SKAP2: variants seen among roughly 807,000 people sequenced by gnomAD.
SKAP2 encodes src kinase-associated phosphoprotein 2.
A neutral mutation model predicts 54.9 loss-of-function variants in SKAP2; 28 were observed. The observed-to-expected ratio is 0.51, with a 90% CI of 0.38 to 0.70. The LOEUF (loss-of-function observed/expected upper bound fraction) is 0.70, where lower values mean the gene tolerates loss of function less well. SKAP2 is among the 30% of genes least tolerant of loss of function. The probability of loss-of-function intolerance (pLI) is 0.00; values close to 1 mark genes in which losing one functional copy is unlikely to be tolerated. For missense variants in SKAP2, 356 were observed against 424.1 expected, an observed-to-expected ratio of 0.84 and a Z score of 1.41; for synonymous variants, 137 against 134.3, an observed-to-expected ratio of 1.02 and a Z score of -0.14.
chr7:26,813,696 A>G (rs1442989033), intron 4 of SKAP2, among the ~76,000 whole-genome samples: 2 of 152,234 alleles, frequency 1.3e-5, no homozygotes, highest in Non-Finnish European at 2.9e-5. Flanking sequence ...CTTCCTGATG[A>G]GCACCATCAC....
downstream of SKAP2, among the ~76,000 whole-genome samples, chr7:26,663,605 G>T (rs890780700): frequency 6.6e-6 from 1 of 152,172 alleles, no homozygotes; most frequent in African/African-American, 2.4e-5. Context: ...GAAGTTTACT[G>T]ATGGTACAGT....
chr7:26,843,271 G>A (rs1784855854), intron 4 of SKAP2, among the ~76,000 whole-genome samples: 1 of 151,964 alleles, frequency 6.6e-6, no homozygotes, highest in African/African-American at 2.4e-5. Context: ...GAAACTTTGA[G>A]TGCTACAAAT....
intron 4 of SKAP2, among the ~76,000 whole-genome samples, chr7:26,809,495 A>C (rs1784094428): frequency 6.6e-6 from 1 of 152,016 alleles, no homozygotes; most frequent in African/African-American, 2.4e-5. Context: ...ACAGGTATAC[A>C]AAAAAAATGT....
At chr7:26,832,587 GAGGATCACTTGAGCCT>G (rs1177640998) in intron 4 of SKAP2, among the ~76,000 whole-genome samples, 3 of 152,160 alleles carry the variant, frequency 2.0e-5, no homozygotes, top group African/African-American at 7.2e-5. Context: ...GCTGAGGCAG[GAGGATCACTTGAGCCT>G]AGGAGTTCAA....
Position 26,668,662 on chromosome 7 carries a change from GT to G in SKAP2, c.*1003del, listed in dbSNP as rs369317261. ...TACTTTGAGAATACACTGAGATTCT[GT>G]TTTTTTTTTTTTTTTTTTCTGAGAT... On this transcript the variant is annotated 3_prime_UTR_variant, in exon 13 of 13. Transcript: ENST00000345317. The G allele has an allele frequency of 0.051, 6,259 of 122,890 alleles. 378 individuals carry two copies. Among genetic ancestry groups the G allele is most frequent in the African/African-American group, 0.18 (5,790 of 32,956 alleles). 7.6% of individuals were successfully genotyped at this position (122,890 alleles called of 1,614,324 possible).
At chr7:26,829,872 C>T (rs556311938) in intron 4 of SKAP2, among the ~76,000 whole-genome samples, 1 of 152,150 alleles carries the variant, frequency 6.6e-6, no homozygotes, top group African/African-American at 2.4e-5. Flanking sequence ...CAAAATATAC[C>T]ATATGATACA....
intron 9 of SKAP2, among the ~76,000 whole-genome samples, chr7:26,693,102 C>A (rs571115513): frequency 6.6e-6 from 1 of 152,036 alleles, no homozygotes. Flanking sequence ...GAGGCCCAGG[C>A]GGGTGGATCA....
downstream of SKAP2, among the ~76,000 whole-genome samples, chr7:26,663,865 C>T (rs1017636272): frequency 3.9e-5 from 6 of 152,126 alleles, no homozygotes; most frequent in African/African-American, 1.4e-4. Flanking sequence ...TGGACTGGAA[C>T]GTCAAGTGTT....
chr7:26,812,071 T>G (rs1021683882), intron 4 of SKAP2, among the ~76,000 whole-genome samples: 2 of 152,192 alleles, frequency 1.3e-5, no homozygotes, highest in African/African-American at 4.8e-5. Context: ...TGATTTGTTT[T>G]TAAGGGAACT....
At chr7:26,673,703 CG>C in intron 11 of SKAP2, among the ~76,000 whole-genome samples, 1 of 152,020 alleles carries the variant, frequency 6.6e-6, no homozygotes, top group East Asian at 1.9e-4. Flanking sequence ...AATAGTAAGG[CG>C]GTAGTGAATG....
chr7:26,724,802 A>G (rs11978456), intron 9 of SKAP2, among the ~76,000 whole-genome samples: 22,760 of 152,114 alleles, frequency 0.15, 2,819 homozygotes, highest in African/African-American at 0.34. Context: ...TAGCTAATAG[A>G]TAATTAATTT....
chr7:26,721,744 AT>A (rs990348456), intron 9 of SKAP2, among the ~76,000 whole-genome samples: 2 of 152,146 alleles, frequency 1.3e-5, no homozygotes, highest in African/African-American at 4.8e-5. Context: ...ATCTAGAAAA[AT>A]CTTTTTGTTG....
intron 4 of SKAP2, among the ~76,000 whole-genome samples, chr7:26,816,709 G>C (rs1784273761): frequency 6.6e-6 from 1 of 151,946 alleles, no homozygotes. Flanking sequence ...AGATCAATTA[G>C]ATTTCTCTAG....
At chr7:26,770,808 A>G in intron 4 of SKAP2, among the ~76,000 whole-genome samples, 1 of 152,150 alleles carries the variant, frequency 6.6e-6, no homozygotes. Context: ...AGTCCCAATG[A>G]GATAAGCTGG....
chr7:26,833,389 C>G (rs1784637793), intron 4 of SKAP2, among the ~76,000 whole-genome samples: 1 of 116,262 alleles, frequency 8.6e-6, no homozygotes, highest in Non-Finnish European at 1.9e-5. Flanking sequence ...AAGAGCAAGA[C>G]TCCGTCTCAA....
At chr7:26,826,242 G>C (rs1409172817) in intron 4 of SKAP2, among the ~76,000 whole-genome samples, 2 of 152,182 alleles carry the variant, frequency 1.3e-5, no homozygotes, top group Non-Finnish European at 2.9e-5. Flanking sequence ...TAACCTGGTA[G>C]AAATATCTAA....
intron 4 of SKAP2, among the ~76,000 whole-genome samples, chr7:26,757,962 C>CGT (rs1459010730): frequency 6.6e-6 from 1 of 152,154 alleles, no homozygotes; most frequent in Non-Finnish European, 1.5e-5. Flanking sequence ...AGGGTTTCAC[C>CGT]GTGTTAGCCA....
chr7:26,772,855 T>C (rs1765155256), intron 4 of SKAP2, among the ~76,000 whole-genome samples: 1 of 152,242 alleles, frequency 6.6e-6, no homozygotes, highest in South Asian at 2.1e-4. Flanking sequence ...ATTCTGCTGT[T>C]CATAGAATCT....
chr7:26,685,551 G>C (rs1226775363), intron 10 of SKAP2, among the ~76,000 whole-genome samples: 2 of 152,068 alleles, frequency 1.3e-5, no homozygotes, highest in Non-Finnish European at 1.5e-5. Flanking sequence ...AGGACATTAG[G>C]CTCTAAATAA....
Sources: gnomAD v4.1 joint callset for allele counts (sites outside exome capture counted in the v4.1 genomes callset) on GRCh38, gnomAD v4.1.1 for gene constraint, MANE v1.5 for transcripts, NCBI Gene and HGNC (gene_info 2026-07-23, HGNC 2026-07-21) for gene names.